DOK6: variants seen among roughly 807,000 people sequenced by gnomAD.
DOK6 encodes docking protein 6.
DOK6 carries 22 observed loss-of-function variants against 44.0 expected under a neutral mutation model. The observed-to-expected ratio is 0.50, with a 90% confidence interval of 0.36 to 0.71. DOK6 has a LOEUF of 0.71. DOK6 is among the 30% of genes least tolerant of loss of function. The pLI, the probability that DOK6 is intolerant of heterozygous loss-of-function variation, is 0.00. For missense variants in DOK6, 340 were observed against 416.4 expected, an observed-to-expected ratio of 0.82 and a Z score of 1.60; for synonymous variants, 166 against 145.5, an observed-to-expected ratio of 1.14 and a Z score of -1.01.
intron 1 of DOK6, among the ~76,000 whole-genome samples, chr18:69,491,273 AT>A (rs1170730102): frequency 6.6e-6 from 1 of 152,236 alleles, no homozygotes; most frequent in African/African-American, 2.4e-5. Context: ...TGATTAATAA[AT>A]ACTTTCACTG....
intron 7 of DOK6, among the ~76,000 whole-genome samples, chr18:69,802,271 T>A (rs2145107097): frequency 6.6e-6 from 1 of 152,264 alleles, no homozygotes; most frequent in East Asian, 1.9e-4. Context: ...TTTACCATGG[T>A]TCAACTTGAA....
intron 1 of DOK6, among the ~76,000 whole-genome samples, chr18:69,438,922 A>C (rs538058056): frequency 1.3e-5 from 2 of 152,200 alleles, no homozygotes; most frequent in South Asian, 4.2e-4. Context: ...ACTACAAAAA[A>C]ATAGCTGGGT....
At chr18:69,432,019 A>G (rs892501889) in intron 1 of DOK6, among the ~76,000 whole-genome samples, 1 of 138,472 alleles carries the variant, frequency 7.2e-6, no homozygotes, top group Non-Finnish European at 1.6e-5. Flanking sequence ...AACCATAGGA[A>G]CTGATGTTAA....
intron 3 of DOK6, among the ~76,000 whole-genome samples, chr18:69,651,792 A>C (rs1985235670): frequency 6.6e-6 from 1 of 151,936 alleles, no homozygotes; most frequent in African/African-American, 2.4e-5. Context: ...CAGCCCCATC[A>C]GCCCCCTTTA....
At chr18:69,484,614 G>T (rs7238265) in intron 1 of DOK6, among the ~76,000 whole-genome samples, 36,060 of 151,898 alleles carry the variant, frequency 0.24, 4,573 homozygotes, top group East Asian at 0.53. Context: ...TTTTACCCAT[G>T]GATCAATACA....
chr18:69,569,920 T>C (rs944679724), intron 2 of DOK6, among the ~76,000 whole-genome samples: 2 of 152,132 alleles, frequency 1.3e-5, no homozygotes, highest in Non-Finnish European at 2.9e-5. Context: ...GCCATTATCC[T>C]TAGCAAACTA....
intron 5 of DOK6, among the ~76,000 whole-genome samples, chr18:69,734,178 C>T (rs1160102889): frequency 1.3e-5 from 2 of 150,552 alleles, no homozygotes; most frequent in Non-Finnish European, 3.0e-5. Flanking sequence ...TACCATTCAA[C>T]AGTTTATTGA....
chr18:69,656,408 G>A (rs1244772421), intron 3 of DOK6, among the ~76,000 whole-genome samples: 1 of 152,154 alleles, frequency 6.6e-6, no homozygotes. Context: ...ATCACAAAGT[G>A]GTTTAGAGTA....
intron 1 of DOK6, among the ~76,000 whole-genome samples, chr18:69,474,175 C>T (rs1289004906): frequency 3.3e-5 from 5 of 151,854 alleles, no homozygotes; most frequent in African/African-American, 1.2e-4. Flanking sequence ...TTCCTTCTTT[C>T]CTCCCTCTCC....
intron 7 of DOK6, among the ~76,000 whole-genome samples, chr18:69,823,500 A>G (rs1981636192): frequency 6.6e-6 from 1 of 152,150 alleles, no homozygotes; most frequent in Non-Finnish European, 1.5e-5. Context: ...TTTCTCTGGA[A>G]ACTATGTGTA....
intron 6 of DOK6, among the ~76,000 whole-genome samples, chr18:69,739,581 G>A (rs1250274726): frequency 6.6e-6 from 1 of 152,206 alleles, no homozygotes; most frequent in Non-Finnish European, 1.5e-5. Flanking sequence ...TATGCTGGTT[G>A]ACAATAGAAT....
intron 7 of DOK6, among the ~76,000 whole-genome samples, chr18:69,839,945 G>A (rs1181081453): frequency 6.6e-6 from 1 of 152,128 alleles, no homozygotes; most frequent in Non-Finnish European, 1.5e-5. Context: ...TTTTTTTAAT[G>A]CAAGATTTTT....
At chr18:69,757,370 A>G (rs1221824303) in intron 6 of DOK6, among the ~76,000 whole-genome samples, 1 of 152,144 alleles carries the variant, frequency 6.6e-6, no homozygotes, top group Non-Finnish European at 1.5e-5. Flanking sequence ...TTTTTTAGTT[A>G]TTTTACAACT....
At chr18:69,515,346 G>A (rs1981491659) in intron 1 of DOK6, among the ~76,000 whole-genome samples, 1 of 152,108 alleles carries the variant, frequency 6.6e-6, no homozygotes. Context: ...TGGTCCTAAG[G>A]TGAACATGAC....
At chr18:69,770,204 G>T (rs935115118) in intron 7 of DOK6, among the ~76,000 whole-genome samples, 9 of 152,074 alleles carry the variant, frequency 5.9e-5, no homozygotes, top group Non-Finnish European at 1.2e-4. Flanking sequence ...AACTCTCCAA[G>T]GTAGGGGCTA....
At chr18:69,427,146 C>T (rs1978661262) in intron 1 of DOK6, among the ~76,000 whole-genome samples, 1 of 152,088 alleles carries the variant, frequency 6.6e-6, no homozygotes, top group African/African-American at 2.4e-5. Flanking sequence ...GCCTCCAGCT[C>T]CATCCACGTC....
chr18:69,579,858 G>C, intron 2 of DOK6, among the ~76,000 whole-genome samples: 1 of 152,042 alleles, frequency 6.6e-6, no homozygotes, highest in East Asian at 1.9e-4. Flanking sequence ...TCGTGGAGCG[G>C]TCGATCCGCC....
chr18:69,658,470 T>C (rs1192162169), intron 3 of DOK6, among the ~76,000 whole-genome samples: 1 of 152,232 alleles, frequency 6.6e-6, no homozygotes, highest in Non-Finnish European at 1.5e-5. Flanking sequence ...ATTGTTGTAA[T>C]ATTTAGTATG....
intron 3 of DOK6, among the ~76,000 whole-genome samples, chr18:69,601,868 C>T (rs979173104): frequency 1.9e-4 from 29 of 152,026 alleles, no homozygotes; most frequent in African/African-American, 1.2e-4. Context: ...AAGTACCACA[C>T]GAATGCTTCT....
Sources: gnomAD v4.1 joint callset for allele counts (sites outside exome capture counted in the v4.1 genomes callset) on GRCh38, gnomAD v4.1.1 for gene constraint, MANE v1.5 for transcripts, NCBI Gene and HGNC (gene_info 2026-07-23, HGNC 2026-07-21) for gene names.